The following HSPG2 variants were observed in gnomAD, a reference collection of about 807,000 sequenced individuals.
The protein encoded by HSPG2 is basement membrane-specific heparan sulfate proteoglycan core protein.
Under a neutral mutation model 526.6 loss-of-function variants are expected in HSPG2, and 278 were observed. That is an observed-to-expected ratio of 0.53 (90% CI 0.48 to 0.58). The LOEUF (loss-of-function observed/expected upper bound fraction) is 0.58. Among genes scored for constraint, HSPG2 ranks in the 20% least tolerant of loss-of-function variants. The pLI, the probability that HSPG2 is intolerant of heterozygous loss-of-function variation, is 0.00. For missense variants in HSPG2, 5,354 were observed against 6,099.5 expected (o/e 0.88, Z 4.07); for synonymous variants, 2,465 against 2,555.4 (o/e 0.96, Z 1.07).
chr1:21,822,372 G>A lies in HSPG2; in HGVS notation c.*944C>T. On this transcript the variant is annotated 3_prime_UTR_variant, in exon 97 of 97. Coordinates refer to ENST00000374695, the MANE Select transcript of HSPG2 (RefSeq NM_005529.7). ...CCACTGGCAGGATGGCACTTGAGCT[G>A]GATCTTCAGGCTCCTGCAGATGGGG... The A allele has an allele frequency of 1.4e-6, 1 of 711,398 alleles. No homozygotes were observed. Among genetic ancestry groups the A allele is most frequent in the Non-Finnish European group, 2.4e-6 (1 of 408,510 alleles). 44.1% of individuals were successfully genotyped at this position (711,398 alleles called of 1,614,324 possible).
At position 21,851,916 on chromosome 1, in the gene HSPG2, G is replaced by C. The variant is rs1467470200; in HGVS notation, c.6881C>G (p.Ser2294Cys). The C allele has an allele frequency of 6.2e-7, 1 of 1,604,176 alleles. No individual in the cohort carries two copies. Among genetic ancestry groups the C allele is most frequent in the Admixed American group, 1.7e-5 (1 of 58,064 alleles). The part of the protein sequence containing the change: ...SLPARHQVRG[S>C]RLYIFQASPA... The stretch of plus-strand genomic sequence containing the variant: ...TGAGGCCTGGAAGATGTACAGGCGG[G>C]AGCCACGAACCTGGGCAGCCGTGGG... The change falls in exon 54 of 97, where the codon TCC becomes TGC. Residue 2294 changes from serine (S) to cysteine (C), a missense_variant. Ser to Cys is a moderately radical substitution (Grantham distance 112). Coordinates refer to ENST00000374695, the MANE Select transcript of HSPG2 (RefSeq NM_005529.7).
In HSPG2 at chr1:21,937,294, G is replaced by T. The variant is rs947187570; in HGVS notation, c.-77C>A. ...CGCCGCCCGCAGCCGCCCGCTCGCC[G>T]GCCAGCTCGGGACAGCGCGGCCCTC... On this transcript the variant is annotated 5_prime_UTR_variant, in exon 1 of 97. Transcript: ENST00000374695. The T allele has an allele frequency of 2.4e-6, 1 of 418,084 alleles. No homozygotes were observed. The highest frequency in any genetic ancestry group is 3.0e-6 in the Non-Finnish European group (1 of 332,556). 25.9% of individuals were successfully genotyped at this position (418,084 alleles called of 1,614,324 possible).
Position 21,848,175 on chromosome 1 carries a change from G to A in HSPG2, c.7738-82C>T. The A allele has an allele frequency of 4.8e-6, 7 of 1,455,532 alleles. No homozygotes were observed. The highest frequency in any genetic ancestry group is 1.4e-5 in the African/African-American group (1 of 71,638). 90.2% of individuals were successfully genotyped at this position (1,455,532 alleles called of 1,614,324 possible). On this transcript the variant is annotated intron_variant, in intron 59 of 96. Transcript: ENST00000374695. This position sits in a 1 kb window ranked among gnomAD's most constrained non-coding sequence, Gnocchi z 4.9. ...CTTGGGCACTGCTGCCGCTGCCCCTGGACTCTGGGGGCCTCCCTGCCTTGC... is the reference window on the plus strand; with the variant it reads ...CTTGGGCACTGCTGCCGCTGCCCCTAGACTCTGGGGGCCTCCCTGCCTTGC...
chr1:21,839,350 AAAG>A lies in HSPG2; in HGVS notation c.9889+18_9889+20del, dbSNP rs1353141024. Reference sequence around the variant, plus strand: ...GCTCAGATCTCCATTTGGTGCAGACAAAGAAGGGATGAGGCCTTACTCTCCACG... The same window carrying A: ...GCTCAGATCTCCATTTGGTGCAGACAAAGGGATGAGGCCTTACTCTCCACG... On this transcript the variant is annotated intron_variant, in intron 73 of 96. Coordinates refer to ENST00000374695, the MANE Select transcript of HSPG2 (RefSeq NM_005529.7). This position sits in a 1 kb window ranked among gnomAD's most constrained non-coding sequence, Gnocchi z 4.5. The A allele has an allele frequency of 1.2e-6, 2 of 1,608,046 alleles. No individual in the cohort carries two copies. The highest frequency in any genetic ancestry group is 2.2e-5 in the South Asian group (2 of 91,046).
Position 21,824,441 on chromosome 1 carries a change from G to A in HSPG2, c.12745-65C>T, listed in dbSNP as rs2152683651. 2 of 1,603,120 alleles carry A rather than the reference G, an allele frequency of 1.2e-6. No individual in the cohort carries two copies. Among genetic ancestry groups the A allele is most frequent in the South Asian group, 1.1e-5 (1 of 90,912 alleles). ...GAGAGCAGAGGCTGCCGAGGCCAGGGGGCTCTGCTTTCCCCTCCCCCCACC... is the reference window on the plus strand; with the variant it reads ...GAGAGCAGAGGCTGCCGAGGCCAGGAGGCTCTGCTTTCCCCTCCCCCCACC... On this transcript the variant is annotated intron_variant, in intron 93 of 96. Coordinates refer to ENST00000374695, the MANE Select transcript of HSPG2 (RefSeq NM_005529.7). This position sits in a 1 kb window ranked among gnomAD's most constrained non-coding sequence, Gnocchi z 5.9.
chr1:21,827,443 G>C (rs947415820), intron 91 of HSPG2, among the ~76,000 whole-genome samples: 1 of 152,164 alleles, frequency 6.6e-6, no homozygotes, highest in African/African-American at 2.4e-5. Context: ...TACATAAGAA[G>C]AGATGTGTCT....
intron 85 of HSPG2, chr1:21,830,690 C>CAAAAA (rs145627267): frequency 3.2e-4 from 35 of 110,122 alleles, no homozygotes; most frequent in South Asian, 4.0e-4. Flanking sequence ...AACTTCGTCT[C>CAAAAA]AAAAAAAAAA....
rs1260596950 is a variant in HSPG2 at position 21,848,183 on chromosome 1, G to C, written c.7738-90C>G. On this transcript the variant is annotated intron_variant, in intron 59 of 96. Transcript: ENST00000374695. The surrounding 1 kb of genome is among the most constrained non-coding windows in gnomAD (Gnocchi z 4.9). ...CTGCTGCCGCTGCCCCTGGACTCTG[G>C]GGGCCTCCCTGCCTTGCCTCCTCAG... The C allele has an allele frequency of 4.4e-5, 64 of 1,460,108 alleles. No individual in the cohort carries two copies. The East Asian group carries it at 1.6e-3, about 36-fold the overall frequency. The allele number at this position is 1,460,108 out of a possible 1,614,324, so 90.4% of individuals were successfully genotyped here. A position where few individuals can be genotyped will look rare whatever the true frequency, so the allele number is the denominator to read the frequency against.
intron 1 of HSPG2, among the ~76,000 whole-genome samples, chr1:21,934,130 T>C (rs544909679): frequency 4.6e-5 from 7 of 152,140 alleles, no homozygotes; most frequent in African/African-American, 1.7e-4. Context: ...ACAGCTGAAA[T>C]TACACCCACA....
At chr1:21,892,609 TCA>T (rs1015540897) in intron 3 of HSPG2, among the ~76,000 whole-genome samples, 1 of 152,170 alleles carries the variant, frequency 6.6e-6, no homozygotes, top group Non-Finnish European at 1.5e-5. Flanking sequence ...GTGCAGTGGC[TCA>T]CGCCTGTAAT....
At position 21,829,613 on chromosome 1, in the gene HSPG2, G is replaced by C; in HGVS notation, c.11771-9C>G. On this transcript the variant is annotated splice_polypyrimidine_tract_variant and intron_variant, in intron 86 of 96. Transcript: ENST00000374695. ...GGTGGTCACTGTCACACCTGCAGCAGCCACAGCTCAGCTGAGGCAGTGGGG... is the reference window on the plus strand; with the variant it reads ...GGTGGTCACTGTCACACCTGCAGCACCCACAGCTCAGCTGAGGCAGTGGGG... 5 of 1,600,448 alleles carry C rather than the reference G, an allele frequency of 3.1e-6. No individual in the cohort carries two copies. In the South Asian group the frequency reaches 3.3e-5, roughly 11 times the overall value.
chr1:21,866,208 C>T (rs1025088188), intron 33 of HSPG2, among the ~76,000 whole-genome samples: 3 of 152,188 alleles, frequency 2.0e-5, no homozygotes, highest in African/African-American at 7.2e-5. Context: ...GTGGGGCTGA[C>T]GGCAGCCCCT....
intron 6 of HSPG2, chr1:21,888,699 CG>C: frequency 5.1e-6 from 7 of 1,364,692 alleles, no homozygotes; most frequent in Non-Finnish European, 6.9e-6. Flanking sequence ...CAGCGGCCGG[CG>C]GGGGTGGGGG....
At chr1:21,856,614 C>T (rs1639359867) in intron 44 of HSPG2, among the ~76,000 whole-genome samples, 2 of 60,602 alleles carry the variant, frequency 3.3e-5, no homozygotes, top group South Asian at 1.3e-3. Context: ...GACAGGGTTT[C>T]ACCTGTTGGC....
Position 21,852,139 on chromosome 1 carries a change from G to A in HSPG2, c.6819C>T (p.His2273=), listed in dbSNP as rs151177187. 466 of 1,613,566 alleles carry A rather than the reference G, an allele frequency of 2.9e-4. No homozygotes were observed. Among genetic ancestry groups the A allele is most frequent in the Non-Finnish European group, 3.3e-4 (385 of 1,179,924 alleles). ...CACGCTTGTACCATGTGACCTGGGC[G>A]TGGGCCTGCCCTGCCACCACGCAGC... ...DLSCVVAGQA[H]AQVTWYKRGG... is the part of the protein sequence containing the mutation. Residue 2273 remains histidine (H), a synonymous_variant, in exon 53 of 97, where the codon CAC becomes CAT. Transcript: ENST00000374695.
chr1:21,894,244 G>A (rs569970175), intron 3 of HSPG2, among the ~76,000 whole-genome samples: 1 of 152,100 alleles, frequency 6.6e-6, no homozygotes, highest in Admixed American at 6.5e-5. Context: ...CCAGGGGGAG[G>A]AGGGGAAGAG....
At chr1:21,829,269 G>A in intron 87 of HSPG2, 114 bp downstream of exon 87, 1 of 1,382,286 alleles carries the variant, frequency 7.2e-7, no homozygotes, top group Non-Finnish European at 1.0e-6. Context: ...CACAGGAAGA[G>A]GGGACTTGCC....
At chr1:21,853,863 G>A (rs1639118281) in intron 50 of HSPG2, 1 of 381,052 alleles carries the variant, frequency 2.6e-6, no homozygotes, top group Non-Finnish European at 5.0e-6. Flanking sequence ...TGAATCTGAG[G>A]CCCCAAAAGT....
In HSPG2 at chr1:21,834,720, G is replaced by A. The variant is rs1181273724; in HGVS notation, c.10679C>T (p.Ala3560Val). The change falls in exon 77 of 97, where the codon GCA becomes GTA. Residue 3560 changes from alanine to valine, a missense_variant. Ala to Val is a moderately conservative substitution (Grantham distance 64). Transcript: ENST00000374695. The stretch of plus-strand genomic sequence containing the variant: ...GACGTGGGATTGTGTGGTGCCAGCT[G>A]CGTTGGTGGCAGTGCAGCGATACTG... ...AGQYRCTATN[A>V]AGTTQSHVLL... is the part of the protein sequence containing the mutation. 6.2e-7 allele frequency: 1 copy of A among 1,614,194 alleles called. No individual in the cohort carries two copies. Among genetic ancestry groups the A allele is most frequent in the Admixed American group, 1.7e-5 (1 of 60,024 alleles).
Sources: allele counts gnomAD v4.1 joint callset (sites outside exome capture counted in the v4.1 genomes callset), GRCh38; gene constraint gnomAD v4.1.1; non-coding constraint Gnocchi (gnomAD v3.1); transcripts MANE v1.5; gene names NCBI Gene and HGNC (gene_info 2026-07-23, HGNC 2026-07-21).